The following CDH13 variants were observed in gnomAD, a reference collection of about 807,000 sequenced individuals.
The protein encoded by CDH13 is cadherin-13.
CDH13 carries 24 observed loss-of-function variants against 63.8 expected under a neutral mutation model. The ratio of observed to expected loss-of-function variants is 0.38; its 90% CI spans 0.27 to 0.53. CDH13 has a LOEUF of 0.53. Ranked by LOEUF, CDH13 falls within the 20% of genes least tolerant of loss-of-function variation. The pLI, the probability that CDH13 is intolerant of heterozygous loss-of-function variation, is 0.85. For missense variants in CDH13, 1,049 were observed against 903.1 expected (o/e 1.16, Z -2.07); for synonymous variants, 503 against 355.3 (o/e 1.42, Z -4.67).
At chr16:83,379,617 C>G (rs957031535) in intron 6 of CDH13, among the ~76,000 whole-genome samples, 1 of 152,000 alleles carries the variant, frequency 6.6e-6, no homozygotes, top group African/African-American at 2.4e-5. Flanking sequence ...AATCATGATA[C>G]TATATATTTG....
chr16:83,680,265 C>T (rs549065996), intron 10 of CDH13, among the ~76,000 whole-genome samples: 7 of 152,306 alleles, frequency 4.6e-5, no homozygotes, highest in African/African-American at 7.2e-5. Context: ...CAGGGCAGCT[C>T]TGCCTTGCTG....
chr16:83,557,493 G>T (rs774769222), intron 7 of CDH13, among the ~76,000 whole-genome samples: 1 of 152,116 alleles, frequency 6.6e-6, no homozygotes, highest in East Asian at 1.9e-4. Flanking sequence ...TTACTGACAT[G>T]TTACATTATA....
In CDH13 at chr16:83,362,769, G is replaced by C. The variant is rs79066653; in HGVS notation, c.781+17763G>C. On this transcript the variant is annotated intron_variant, in intron 6 of 13. Transcript: ENST00000567109. ...ATGCCTGCTTTTCCTCTATGATAAGGCACTTTTATACTTATTCGGCGGTCT... is the reference window on the plus strand; with the variant it reads ...ATGCCTGCTTTTCCTCTATGATAAGCCACTTTTATACTTATTCGGCGGTCT... Among the ~76,000 whole-genome samples, 265 of 152,286 alleles carry C rather than the reference G, an allele frequency of 1.7e-3. 1 individual carries two copies. Among genetic ancestry groups the C allele is most frequent in the Non-Finnish European group, 2.8e-3 (189 of 68,022 alleles).
intron 1 of CDH13, among the ~76,000 whole-genome samples, chr16:82,671,677 A>C (rs1298424837): frequency 6.6e-6 from 1 of 152,170 alleles, no homozygotes; most frequent in Non-Finnish European, 1.5e-5. Flanking sequence ...GATCTTCGTG[A>C]ATCCAACTGA....
chr16:83,724,643 T>C (rs1009450614), intron 10 of CDH13, among the ~76,000 whole-genome samples: 1 of 152,184 alleles, frequency 6.6e-6, no homozygotes, highest in Non-Finnish European at 1.5e-5. Context: ...TGTGACTATG[T>C]TGGGGCTTGT....
intron 8 of CDH13, among the ~76,000 whole-genome samples, chr16:83,658,659 A>G (rs113317425): frequency 9.1e-3 from 1,120 of 122,630 alleles, no homozygotes; most frequent in East Asian, 0.023. Context: ...CAGGTCCCAT[A>G]TCCTCACCAG....
chr16:83,350,123 G>C (rs1009137038), intron 6 of CDH13, among the ~76,000 whole-genome samples: 2 of 152,188 alleles, frequency 1.3e-5, no homozygotes, highest in African/African-American at 2.4e-5. Context: ...CCAGCTGTGC[G>C]CAAGGGAAAC....
chr16:82,974,414 G>C (rs151022155), intron 2 of CDH13, among the ~76,000 whole-genome samples: 48 of 152,166 alleles, frequency 3.2e-4, no homozygotes, highest in Non-Finnish European at 5.7e-4. Context: ...TACCCTTTAC[G>C]ATTCACATGC....
At chr16:82,680,056 C>T (rs984813160) in intron 1 of CDH13, among the ~76,000 whole-genome samples, 6 of 152,144 alleles carry the variant, frequency 3.9e-5, no homozygotes, top group Non-Finnish European at 7.3e-5. Context: ...TTGCTTGTCC[C>T]TATCCACTCT....
intron 2 of CDH13, among the ~76,000 whole-genome samples, chr16:82,920,819 A>G (rs1012219801): frequency 6.6e-6 from 1 of 152,186 alleles, no homozygotes; most frequent in African/African-American, 2.4e-5. Context: ...AGTGGAAAGT[A>G]TTTCATCTAT....
chr16:83,681,118 C>T (rs548517053), intron 10 of CDH13, among the ~76,000 whole-genome samples: 129 of 152,052 alleles, frequency 8.5e-4, no homozygotes, highest in Non-Finnish European at 1.5e-3. Context: ...GATTGTGCCA[C>T]GAGTCCTGGT....
At chr16:83,480,005 C>A (rs2073720137) in intron 6 of CDH13, among the ~76,000 whole-genome samples, 1 of 152,154 alleles carries the variant, frequency 6.6e-6, no homozygotes, top group Admixed American at 6.5e-5. Flanking sequence ...CCTCCAACAA[C>A]CCATGAGAGA....
intron 6 of CDH13, among the ~76,000 whole-genome samples, chr16:83,485,156 TTGA>T (rs1379159058): frequency 5.9e-5 from 9 of 152,246 alleles, no homozygotes; most frequent in Non-Finnish European, 1.2e-4. Context: ...AATTCCCCTG[TTGA>T]TGAACAGCTA....
chr16:82,891,872 C>T lies in CDH13; in HGVS notation c.157+33399C>T, dbSNP rs577877164. Among the ~76,000 whole-genome samples the T allele has an allele frequency of 1.4e-4, 21 of 152,206 alleles. No homozygotes were observed. In the South Asian group the frequency reaches 2.7e-3, roughly 20 times the overall value. On this transcript the variant is annotated intron_variant, in intron 2 of 13. Coordinates refer to ENST00000567109, the MANE Select transcript of CDH13 (RefSeq NM_001257.5). ...ATATGTGAATGCTCCTTAAAGCTTC[C>T]CTATAACCTTGGATACTGCTGGTCA...
intron 10 of CDH13, among the ~76,000 whole-genome samples, chr16:83,688,916 C>T (rs896864863): frequency 1.3e-5 from 2 of 152,098 alleles, no homozygotes; most frequent in African/African-American, 4.8e-5. Context: ...GTTTTAAGGG[C>T]TTCACTGGCT....
intron 6 of CDH13, 86 bp downstream of exon 6, chr16:83,345,092 C>A: frequency 6.9e-7 from 1 of 1,442,168 alleles, no homozygotes; most frequent in Non-Finnish European, 9.5e-7. Flanking sequence ...TGTCTTATGG[C>A]TGTTCCAACT....
intron 6 of CDH13, among the ~76,000 whole-genome samples, chr16:83,380,848 C>A (rs1194966826): frequency 6.9e-6 from 1 of 144,474 alleles, no homozygotes; most frequent in African/African-American, 2.6e-5. Flanking sequence ...TTTTTTTTTC[C>A]TTTAATTAAG....
At chr16:82,867,706 A>G (rs1275165929) in intron 2 of CDH13, among the ~76,000 whole-genome samples, 1 of 152,228 alleles carries the variant, frequency 6.6e-6, no homozygotes, top group South Asian at 2.1e-4. Flanking sequence ...GCAATTAATG[A>G]AAAAGCATGT....
chr16:83,620,501 G>T (rs1159628085), intron 8 of CDH13, among the ~76,000 whole-genome samples: 9 of 151,830 alleles, frequency 5.9e-5, no homozygotes, highest in African/African-American at 2.2e-4. Flanking sequence ...CTAGGAGATT[G>T]CTGGGGATGC....
Sources: allele counts gnomAD v4.1 joint callset (sites outside exome capture counted in the v4.1 genomes callset), GRCh38; gene constraint gnomAD v4.1.1; transcripts MANE v1.5; gene names NCBI Gene and HGNC (gene_info 2026-07-23, HGNC 2026-07-21).